PDE1C: variants seen among roughly 807,000 people sequenced by gnomAD.
The protein encoded by PDE1C is dual specificity calcium/calmodulin-dependent 3',5'-cyclic nucleotide phosphodiesterase 1C.
A neutral mutation model predicts 93.1 loss-of-function variants in PDE1C; 62 were observed. That is an observed-to-expected ratio of 0.67 (90% CI 0.54 to 0.82). PDE1C has a LOEUF of 0.82. Ranked by LOEUF, PDE1C falls within the 40% of genes least tolerant of loss-of-function variation. The pLI is 0.00. For synonymous variants in PDE1C, 325 were observed against 310.1 expected, an observed-to-expected ratio of 1.05 and a Z score of -0.50; for missense variants, 742 against 884.6, an observed-to-expected ratio of 0.84 and a Z score of 2.04.
At chr7:31,912,522 G>GA (rs200745099) in intron 2 of PDE1C, among the ~76,000 whole-genome samples, 4,034 of 151,888 alleles carry the variant, frequency 0.027, 68 homozygotes, top group African/African-American at 0.049. Flanking sequence ...CCCACCTATA[G>GA]AAAAAATACA....
At chr7:32,290,678 A>T (rs1812277738) in intron 1 of PDE1C, among the ~76,000 whole-genome samples, 1 of 152,120 alleles carries the variant, frequency 6.6e-6, no homozygotes, top group South Asian at 2.1e-4. Context: ...CTAACATTCT[A>T]ACAAGGGCCT....
chr7:31,698,078 C>T, the PDE1C span, among the ~76,000 whole-genome samples: 1 of 152,162 alleles, frequency 6.6e-6, no homozygotes, highest in South Asian at 2.1e-4. Flanking sequence ...CACCTTTGGG[C>T]AGTTTTTCAC....
chr7:31,956,444 G>T (rs971767306), intron 2 of PDE1C, among the ~76,000 whole-genome samples: 17 of 151,550 alleles, frequency 1.1e-4, no homozygotes, highest in African/African-American at 4.1e-4. Flanking sequence ...AGTGGGGCAA[G>T]CTCCTTCTGA....
At chr7:32,002,414 C>T (rs1429795273) in intron 2 of PDE1C, among the ~76,000 whole-genome samples, 1 of 152,190 alleles carries the variant, frequency 6.6e-6, no homozygotes, top group Non-Finnish European at 1.5e-5. Flanking sequence ...GTAGTCTCCT[C>T]CACATGACCT....
At chr7:32,067,132 TAG>T (rs150852286) in intron 1 of PDE1C, among the ~76,000 whole-genome samples, 2 of 152,134 alleles carry the variant, frequency 1.3e-5, no homozygotes, top group Non-Finnish European at 2.9e-5. Flanking sequence ...CCAGCTAAGA[TAG>T]AGTGTTTAAA....
At chr7:32,312,817 G>T (rs1440124988) in intron 1 of PDE1C, among the ~76,000 whole-genome samples, 3 of 152,082 alleles carry the variant, frequency 2.0e-5, no homozygotes, top group Admixed American at 1.3e-4. Context: ...GAAAACCTAG[G>T]CAATACCATT....
At chr7:32,319,308 C>T (rs575379420) in intron 1 of PDE1C, among the ~76,000 whole-genome samples, 1 of 152,330 alleles carries the variant, frequency 6.6e-6, no homozygotes, top group Non-Finnish European at 1.5e-5. Flanking sequence ...GCCTTCCACC[C>T]TGCCCCTGCC....
intron 1 of PDE1C, among the ~76,000 whole-genome samples, chr7:32,415,216 C>A (rs554239690): frequency 1.3e-5 from 2 of 152,006 alleles, no homozygotes; most frequent in Admixed American, 6.6e-5. Flanking sequence ...TTGGAGAGGC[C>A]GAAGTGGGCA....
At chr7:32,120,373 C>A (rs545575702) in intron 3 of PDE1C, among the ~76,000 whole-genome samples, 2 of 152,308 alleles carry the variant, frequency 1.3e-5, no homozygotes, top group South Asian at 4.1e-4. Flanking sequence ...AAAGCATACC[C>A]TCTCCACCAG....
chr7:32,337,521 T>C (rs1783651599), intron 1 of PDE1C, among the ~76,000 whole-genome samples: 1 of 152,172 alleles, frequency 6.6e-6, no homozygotes, highest in Non-Finnish European at 1.5e-5. Flanking sequence ...TGGGGAAACT[T>C]ACAAGTTGGC....
chr7:32,341,173 C>CTATTTTTTATTTTTATTT (rs796122014), intron 1 of PDE1C, among the ~76,000 whole-genome samples: 40 of 84,956 alleles, frequency 4.7e-4, no homozygotes, highest in African/African-American at 1.1e-3. Flanking sequence ...GAAATAAAGT[C>CTATTTTTTATTTTTATTT]TTTTTTTTTT....
At chr7:31,736,777 T>C in the PDE1C span, among the ~76,000 whole-genome samples, 2 of 152,154 alleles carry the variant, frequency 1.3e-5, no homozygotes, top group Non-Finnish European at 2.9e-5. Flanking sequence ...AAAGGAGACA[T>C]GATATTCCAA....
intron 1 of PDE1C, among the ~76,000 whole-genome samples, chr7:32,215,349 A>C (rs567480672): frequency 6.6e-6 from 1 of 152,224 alleles, no homozygotes; most frequent in African/African-American, 2.4e-5. Flanking sequence ...TTGTAGAAAA[A>C]ATGTCTTCCA....
At chr7:31,784,868 CT>C (rs1187530246) in intron 16 of PDE1C, 3 of 152,204 alleles carry the variant, frequency 2.0e-5, no homozygotes, top group South Asian at 2.1e-4. Context: ...ATACCTATGG[CT>C]GTAGGTTTTT....
intron 1 of PDE1C, among the ~76,000 whole-genome samples, chr7:32,269,099 G>C (rs1463086180): frequency 6.6e-6 from 1 of 152,188 alleles, no homozygotes; most frequent in Admixed American, 6.5e-5. Flanking sequence ...TCTTAAAGAT[G>C]CCCACTAAAT....
At chr7:32,329,296 T>C (rs557996650) in intron 1 of PDE1C, among the ~76,000 whole-genome samples, 20 of 152,192 alleles carry the variant, frequency 1.3e-4, no homozygotes, top group African/African-American at 4.3e-4. Flanking sequence ...CTGAGGAAAA[T>C]TGATAAAGCA....
chr7:31,858,457 A>C (rs1045905847), intron 7 of PDE1C, among the ~76,000 whole-genome samples: 21 of 152,144 alleles, frequency 1.4e-4, no homozygotes, highest in African/African-American at 5.1e-4. Context: ...CTGTTACGGG[A>C]AGTGAAAAAA....
intron 2 of PDE1C, among the ~76,000 whole-genome samples, chr7:31,983,701 A>G (rs772268500): frequency 6.6e-6 from 1 of 152,198 alleles, no homozygotes; most frequent in African/African-American, 2.4e-5. Context: ...TAGTGTCTCA[A>G]AGCATTGTGC....
At chr7:32,196,557 T>C (rs951903406) in intron 2 of PDE1C, among the ~76,000 whole-genome samples, 1 of 152,210 alleles carries the variant, frequency 6.6e-6, no homozygotes, top group Non-Finnish European at 1.5e-5. Flanking sequence ...TTTTGTTTAT[T>C]TTGTATATAA....
Sources: gnomAD v4.1 joint callset for allele counts (sites outside exome capture counted in the v4.1 genomes callset) on GRCh38, gnomAD v4.1.1 for gene constraint, MANE v1.5 for transcripts, NCBI Gene and HGNC (gene_info 2026-07-23, HGNC 2026-07-21) for gene names.